SLC20A1: variants seen among roughly 807,000 people sequenced by gnomAD.
The protein encoded by SLC20A1 is sodium-dependent phosphate transporter 1.
A neutral mutation model predicts 62.7 loss-of-function variants in SLC20A1; 28 were observed. The observed-to-expected ratio is 0.45, with a 90% CI of 0.33 to 0.61. The LOEUF (loss-of-function observed/expected upper bound fraction) is 0.61. Among genes scored for constraint, SLC20A1 ranks in the 20% least tolerant of loss-of-function variants. The pLI is 0.02. For missense variants in SLC20A1, 673 were observed against 838.6 expected, an observed-to-expected ratio of 0.80 and a Z score of 2.44; for synonymous variants, 305 against 302.9, an observed-to-expected ratio of 1.01 and a Z score of -0.07.
intron 10 of SLC20A1, 26 bp from the exon 11 acceptor site, chr2:112,662,838 G>C (rs1686788370): frequency 1.9e-6 from 3 of 1,610,960 alleles, no homozygotes; most frequent in Non-Finnish European, 2.5e-6. Flanking sequence ...TCAATAACCT[G>C]TTTCCTTGGT....
rs756104481 is a variant in SLC20A1, at chr2:112,659,487, A to C, written c.1332A>C (p.Glu444Asp). 1.2e-6 allele frequency: 2 copies of C among 1,614,262 alleles called. No individual in the cohort carries two copies. Among genetic ancestry groups the C allele is most frequent in the South Asian group, 1.1e-5 (1 of 91,090 alleles). ...RAKEGEQKGE[E>D]MEKLTWPNAD... ...AAGAAGGTGAACAGAAGGGCGAAGA[A>C]ATGGAGAAGCTGACATGGCCTAATG... is the stretch of plus-strand genomic sequence containing the variant. Residue 444 changes from glutamate (E) to aspartate (D), a missense_variant, in exon 8 of 11, where the codon GAA becomes GAC. Transcript: ENST00000272542.
In SLC20A1 at chr2:112,663,108, A is replaced by G. The variant is rs749854267; in HGVS notation, c.*83A>G. The G allele has an allele frequency of 4.1e-6, 6 of 1,474,214 alleles. No individual in the cohort carries two copies. Among genetic ancestry groups the G allele is most frequent in the Non-Finnish European group, 5.7e-6 (6 of 1,053,638 alleles). The allele number at this position is 1,474,214 out of a possible 1,614,324, so 91.3% of individuals were successfully genotyped here. On this transcript the variant is annotated 3_prime_UTR_variant, in exon 11 of 11. Coordinates refer to ENST00000272542, the MANE Select transcript of SLC20A1 (RefSeq NM_005415.5). ...CCCCTGAAGAATGATTACAGTGTTA[A>G]CAGAAGACTGACAAGAGTCTTTTTA...
chr2:112,659,789 C>G, intron 8 of SLC20A1, 27 bp downstream of exon 8: 1 of 1,576,412 alleles, frequency 6.3e-7, no homozygotes, highest in Non-Finnish European at 8.6e-7. Flanking sequence ...CTTAGTGTTG[C>G]TAACCCTATT....
intron 6 of SLC20A1, chr2:112,658,296 A>G (rs763282693): frequency 2.0e-5 from 3 of 152,856 alleles, no homozygotes; most frequent in Admixed American, 6.5e-5. Context: ...GCCATGATGC[A>G]CATCTCTTTG....
Position 112,646,924 on chromosome 2 carries a change from A to G in SLC20A1, c.96A>G (p.Ala32=), listed in dbSNP as rs754309987. 1 of 1,612,172 alleles carries G rather than the reference A, an allele frequency of 6.2e-7. No individual in the cohort carries two copies. Among genetic ancestry groups the G allele is most frequent in the Non-Finnish European group, 8.5e-7 (1 of 1,179,576 alleles). The change falls in exon 2 of 11, where the codon GCA becomes GCG. Residue 32 remains alanine (A), a synonymous_variant. Transcript: ENST00000272542. ...LWMLILGFII[A]FVLAFSVGAN... The stretch of plus-strand genomic sequence containing the variant: ...TGCTCATCCTGGGCTTCATTATTGC[A>G]TTTGTCTTGGCATTCTCCGTGGGAG...
Position 112,646,105 on chromosome 2 carries a change from C to G in SLC20A1, c.-291C>G, listed in dbSNP as rs1273143039. The G allele has an allele frequency of 1.3e-5, 2 of 152,540 alleles. No individual in the cohort carries two copies. Among genetic ancestry groups the G allele is most frequent in the African/African-American group, 4.8e-5 (2 of 41,444 alleles). 9.4% of individuals were successfully genotyped at this position (152,540 alleles called of 1,614,324 possible). A position where few individuals can be genotyped will look rare whatever the true frequency, so the allele number is the denominator to read the frequency against. The stretch of plus-strand genomic sequence containing the variant: ...CGCTGTCGCCTCGATCTCCTCGTCT[C>G]CCGCTCCGCCCTCCCTTTTCCCTGG... On this transcript the variant is annotated 5_prime_UTR_variant, in exon 1 of 11. Transcript: ENST00000272542.
intron 4 of SLC20A1, among the ~76,000 whole-genome samples, chr2:112,650,343 T>C (rs1349941872): frequency 6.6e-6 from 1 of 151,474 alleles, no homozygotes; most frequent in African/African-American, 2.4e-5. Flanking sequence ...CCTTTTTTTT[T>C]TTTTTTTGAG....
rs762352158 is a variant in SLC20A1, at chr2:112,662,894, C to T, written c.1909C>T (p.Arg637Trp). 20 of 1,614,010 alleles carry T rather than the reference C, an allele frequency of 1.2e-5. 1 individual carries two copies. The highest frequency in any genetic ancestry group is 2.2e-5 in the East Asian group (1 of 44,890). The change falls in exon 11 of 11, where the codon CGG (arginine) becomes TGG (tryptophan). Residue 637 changes from arginine (R) to tryptophan (W), a missense_variant. By Grantham distance (101) the Arg-to-Trp change is moderately radical. Transcript: ENST00000272542. ...VGSVVSVGWLRSKKAVDWRLF... is the reference protein window; with the variant it reads ...VGSVVSVGWLWSKKAVDWRLF... ...CTCTGTTGTGTCTGTTGGCTGGCTC[C>T]GGTCCAAGAAGGCTGTTGACTGGCG...
At position 112,652,710 on chromosome 2, in the gene SLC20A1, A is replaced by G; in HGVS notation, c.570A>G (p.Pro190=). 1 of 1,613,722 alleles carries G rather than the reference A, an allele frequency of 6.2e-7. No individual in the cohort carries two copies. The highest frequency in any genetic ancestry group is 8.5e-7 in the Non-Finnish European group (1 of 1,179,596). ...VRAFILHKAD[P]VPNGLRALPV... ...TTAATGATGTTTTACAGGCAGATCCAGTTCCTAATGGTTTGCGAGCTTTGC... is the reference window on the plus strand; with the variant it reads ...TTAATGATGTTTTACAGGCAGATCCGGTTCCTAATGGTTTGCGAGCTTTGC... Residue 190 remains proline, a synonymous_variant, in exon 5 of 11, where the codon CCA becomes CCG. Coordinates refer to ENST00000272542, the MANE Select transcript of SLC20A1 (RefSeq NM_005415.5).
rs200081005 is a variant in SLC20A1, at chr2:112,657,025, G to T, written c.659-97G>T. 4 of 1,410,560 alleles carry T rather than the reference G, an allele frequency of 2.8e-6. No individual in the cohort carries two copies. In the African/African-American group the frequency reaches 4.2e-5, roughly 15 times the overall value. The allele number at this position is 1,410,560 out of a possible 1,614,324, so 87.4% of individuals were successfully genotyped here. A position where few individuals can be genotyped will look rare whatever the true frequency, so the allele number is the denominator to read the frequency against. On this transcript the variant is annotated intron_variant, in intron 5 of 10. Coordinates refer to ENST00000272542, the MANE Select transcript of SLC20A1 (RefSeq NM_005415.5). The stretch of plus-strand genomic sequence containing the variant: ...CAGCAGCTGTCAGGGGTGATGGGCT[G>T]GTATGGGGAACCCCTCAGTCCCCAG...
chr2:112,650,083 C>A (rs957289033), intron 4 of SLC20A1, among the ~76,000 whole-genome samples: 1 of 152,112 alleles, frequency 6.6e-6, no homozygotes, highest in African/African-American at 2.4e-5. Flanking sequence ...CATTCATACC[C>A]TACCCCATCC....
Position 112,659,082 on chromosome 2 carries a change from A to T in SLC20A1, c.1036A>T (p.Ser346Cys), listed in dbSNP as rs1372209370. The stretch of plus-strand genomic sequence containing the variant: ...CTTGAAAGAGGAAACCAGCATAGAT[A>T]GCACCGTGAATGGTGAGTTGGAATT... ...VDLKEETSID[S>C]TVNGAVQLPN... is the part of the protein sequence containing the mutation. The change falls in exon 7 of 11, where the codon AGC becomes TGC. Residue 346 changes from serine to cysteine, a missense_variant. Ser to Cys is a moderately radical substitution (Grantham distance 112). Transcript: ENST00000272542. The T allele has an allele frequency of 6.2e-7, 1 of 1,612,934 alleles. No homozygotes were observed. The highest frequency in any genetic ancestry group is 8.5e-7 in the Non-Finnish European group (1 of 1,179,384).
chr2:112,646,948 A>G lies in SLC20A1; in HGVS notation c.120A>G (p.Gly40=), dbSNP rs1212321018. 5 of 1,613,536 alleles carry G rather than the reference A, an allele frequency of 3.1e-6. No individual in the cohort carries two copies. The Admixed American group carries it at 8.3e-5, about 27-fold the overall frequency. ...IIAFVLAFSV[G]ANDVANSFGT... is the part of the protein sequence containing the mutation. ...CATTTGTCTTGGCATTCTCCGTGGG[A>G]GCCAATGATGTAGCAAATTCTTTTG... The change falls in exon 2 of 11, where the codon GGA becomes GGG. Residue 40 remains glycine (G), a synonymous_variant. Transcript: ENST00000272542.
chr2:112,652,952 G>A (rs780307395), intron 5 of SLC20A1, 154 bp downstream of exon 5: 10 of 1,559,202 alleles, frequency 6.4e-6, no homozygotes, highest in Non-Finnish European at 7.8e-6. Flanking sequence ...GCTAGTGTAC[G>A]CTGAGTTAAC....
intron 5 of SLC20A1, among the ~76,000 whole-genome samples, chr2:112,654,979 T>C (rs1210538535): frequency 9.9e-6 from 1 of 100,722 alleles, no homozygotes; most frequent in African/African-American, 2.8e-5. Context: ...TTTTTTTTTT[T>C]TTTTTTTGAG....
At position 112,659,036 on chromosome 2, in the gene SLC20A1, A is replaced by C. The variant is rs1296654092; in HGVS notation, c.990A>C (p.Arg330Ser). ...KLGDLEEAPE[R>S]ERLPSVDLKE... is the part of the protein sequence containing the mutation. ...GAGATTTGGAGGAAGCTCCAGAGAG[A>C]GAGAGGCTTCCCAGCGTGGACTTGA... The change falls in exon 7 of 11, where the codon AGA becomes AGC. Residue 330 changes from arginine to serine, a missense_variant. By Grantham distance (110) the Arg-to-Ser change is moderately radical. Coordinates refer to ENST00000272542, the MANE Select transcript of SLC20A1 (RefSeq NM_005415.5). 1 of 1,614,066 alleles carries C rather than the reference A, an allele frequency of 6.2e-7. No homozygotes were observed. Among genetic ancestry groups the C allele is most frequent in the Non-Finnish European group, 8.5e-7 (1 of 1,180,042 alleles).
chr2:112,656,528 T>C (rs145377954), intron 5 of SLC20A1, among the ~76,000 whole-genome samples: 2 of 152,346 alleles, frequency 1.3e-5, no homozygotes, highest in African/African-American at 4.8e-5. Context: ...CAACTATTCT[T>C]AAATTATCAA....
chr2:112,659,285 A>G lies in SLC20A1; in HGVS notation c.1130A>G (p.Gln377Arg). 6.2e-7 allele frequency: 1 copy of G among 1,614,240 alleles called. No individual in the cohort carries two copies. The highest frequency in any genetic ancestry group is 8.5e-7 in the Non-Finnish European group (1 of 1,180,044). The change falls in exon 8 of 11, where the codon CAG (glutamine) becomes CGG (arginine). Residue 377 changes from glutamine (Q) to arginine (R), a missense_variant. Coordinates refer to ENST00000272542, the MANE Select transcript of SLC20A1 (RefSeq NM_005415.5). ...CAAATAAACTCCAGTGGCCACTACC[A>G]GTATCACACCGTGCATAAGGATTCC... Reference protein sequence around the residue: ...SNQINSSGHYQYHTVHKDSGL... With the variant: ...SNQINSSGHYRYHTVHKDSGL...
chr2:112,660,651 A>G (rs1046188167), intron 9 of SLC20A1, 79 bp downstream of exon 9: 3 of 1,212,600 alleles, frequency 2.5e-6, no homozygotes, highest in Middle Eastern at 2.4e-4. Context: ...GCTAACACAA[A>G]TCTCTAAAGT....
Sources: gnomAD v4.1 joint callset for allele counts (sites outside exome capture counted in the v4.1 genomes callset) on GRCh38, gnomAD v4.1.1 for gene constraint, MANE v1.5 for transcripts, NCBI Gene and HGNC (gene_info 2026-07-23, HGNC 2026-07-21) for gene names.